Variants in CADPS observed in about 807,000 individuals in gnomAD.
CADPS encodes the protein calcium-dependent secretion activator 1.
Under a neutral mutation model 167.3 loss-of-function variants are expected in CADPS, and 57 were observed. The observed-to-expected ratio is 0.34, with a 90% confidence interval of 0.28 to 0.42. The LOEUF (loss-of-function observed/expected upper bound fraction) is 0.42. Ranked by LOEUF, CADPS falls within the 20% of genes least tolerant of loss-of-function variation. The pLI is 1.00. For synonymous variants in CADPS, 676 were observed against 635.3 expected, an observed-to-expected ratio of 1.06 and a Z score of -0.96; for missense variants, 1,414 against 1,738.1, an observed-to-expected ratio of 0.81 and a Z score of 3.32.
At chr3:62,581,145 G>A (rs1178878087) in intron 8 of CADPS, among the ~76,000 whole-genome samples, 1 of 152,092 alleles carries the variant, frequency 6.6e-6, no homozygotes, top group South Asian at 2.1e-4. Flanking sequence ...AGTTGTTATA[G>A]TTAGTAAAAA....
At chr3:62,872,218 A>G (rs764353987) in intron 1 of CADPS, among the ~76,000 whole-genome samples, 3 of 152,184 alleles carry the variant, frequency 2.0e-5, no homozygotes, top group Non-Finnish European at 4.4e-5. Context: ...TAGCTCATCA[A>G]CTATTTGTTG....
At chr3:62,704,574 C>A (rs2081999109) in intron 3 of CADPS, among the ~76,000 whole-genome samples, 1 of 152,142 alleles carries the variant, frequency 6.6e-6, no homozygotes, top group Non-Finnish European at 1.5e-5. Context: ...GGCTTCCTTT[C>A]TTCTGCCCAC....
In CADPS at chr3:62,875,076, CA is replaced by C. The variant is rs1255529741; in HGVS notation, c.-48del. ...TCTCTGGAGCCCCCGGCTTGGAGTG[CA>C]AAAGGTGGGGGGCGCTGGAGGCAGC... On this transcript the variant is annotated 5_prime_UTR_variant, in exon 1 of 30. Transcript: ENST00000383710. 1.3e-6 allele frequency: 2 copies of C among 1,536,610 alleles called. No individual in the cohort carries two copies. The highest frequency in any genetic ancestry group is 8.8e-7 in the Non-Finnish European group (1 of 1,138,272).
At chr3:62,873,685 GA>G (rs954335206) in intron 1 of CADPS, among the ~76,000 whole-genome samples, 1 of 147,086 alleles carries the variant, frequency 6.8e-6, no homozygotes, top group Non-Finnish European at 1.5e-5. Flanking sequence ...GCCTCAGACA[GA>G]AAAAGCTTTT....
chr3:62,486,768 T>C (rs117868881), intron 21 of CADPS, among the ~76,000 whole-genome samples: 2 of 152,308 alleles, frequency 1.3e-5, no homozygotes, highest in East Asian at 3.9e-4. Context: ...TCTGGTGGTG[T>C]TACAGTGCTG....
chr3:62,771,893 C>T (rs979295235), intron 1 of CADPS, among the ~76,000 whole-genome samples: 21 of 152,142 alleles, frequency 1.4e-4, no homozygotes, highest in African/African-American at 4.1e-4. Context: ...GAGGAGAAAA[C>T]GGCATGTTCT....
chr3:62,694,207 CAAT>C (rs937138606), intron 3 of CADPS, among the ~76,000 whole-genome samples: 10 of 152,042 alleles, frequency 6.6e-5, no homozygotes, highest in Admixed American at 6.6e-4. Context: ...ATTAAGATAA[CAAT>C]AACCTGGTGA....
chr3:62,442,182 G>T (rs1202146644), intron 27 of CADPS, among the ~76,000 whole-genome samples: 95 of 150,324 alleles, frequency 6.3e-4, no homozygotes, highest in Non-Finnish European at 1.2e-3. Flanking sequence ...TGACTTAATA[G>T]GTAATAGTTA....
chr3:62,750,353 CAA>C (rs56069272), intron 3 of CADPS, among the ~76,000 whole-genome samples: 22 of 44,898 alleles, frequency 4.9e-4, no homozygotes, highest in African/African-American at 1.1e-3. Context: ...TCTTAAGCTC[CAA>C]AAAAAAAAAA....
At chr3:62,422,135 C>A (rs973995985) in intron 28 of CADPS, among the ~76,000 whole-genome samples, 2 of 152,126 alleles carry the variant, frequency 1.3e-5, no homozygotes, top group Admixed American at 1.3e-4. Context: ...TCTGTGTAAG[C>A]CAAGTGGGGA....
intron 6 of CADPS, among the ~76,000 whole-genome samples, chr3:62,628,472 G>A (rs553425616): frequency 6.6e-6 from 1 of 152,148 alleles, no homozygotes; most frequent in South Asian, 2.1e-4. Flanking sequence ...GACTTCCCAG[G>A]TGGGGTGACA....
intron 26 of CADPS, among the ~76,000 whole-genome samples, chr3:62,461,978 GA>G (rs1405290033): frequency 6.6e-6 from 1 of 152,210 alleles, no homozygotes; most frequent in Non-Finnish European, 1.5e-5. Context: ...ATGAATTCCA[GA>G]ACCAGCATAT....
intron 6 of CADPS, among the ~76,000 whole-genome samples, chr3:62,640,230 A>G (rs1055199664): frequency 1.3e-5 from 2 of 152,182 alleles, no homozygotes; most frequent in Admixed American, 6.6e-5. Context: ...GATGTAAACC[A>G]TTCCAAGGCC....
intron 18 of CADPS, among the ~76,000 whole-genome samples, chr3:62,494,669 ATTTTTT>A (rs56153630): frequency 1.3e-4 from 16 of 118,618 alleles, no homozygotes; most frequent in African/African-American, 4.1e-4. Context: ...CTTACCAGCA[ATTTTTT>A]TTTTTTTTTT....
At chr3:62,700,114 T>C (rs994541223) in intron 3 of CADPS, among the ~76,000 whole-genome samples, 2 of 152,138 alleles carry the variant, frequency 1.3e-5, no homozygotes, top group East Asian at 1.9e-4. Context: ...AATTAAATAA[T>C]ATAAACCACC....
At chr3:62,588,384 G>GT (rs1009194124) in intron 7 of CADPS, among the ~76,000 whole-genome samples, 2 of 151,020 alleles carry the variant, frequency 1.3e-5, no homozygotes, top group Admixed American at 6.6e-5. Flanking sequence ...GCTTTGTGAG[G>GT]TTAAGGGTTT....
chr3:62,441,610 AGT>A (rs2056323329), intron 27 of CADPS, among the ~76,000 whole-genome samples: 1 of 152,238 alleles, frequency 6.6e-6, no homozygotes, highest in Admixed American at 6.5e-5. Flanking sequence ...ACTAACTGCT[AGT>A]GCCCACATGG....
At chr3:62,568,107 C>T (rs1015931626) in intron 9 of CADPS, among the ~76,000 whole-genome samples, 1 of 152,158 alleles carries the variant, frequency 6.6e-6, no homozygotes, top group African/African-American at 2.4e-5. Context: ...TGAAATTTGA[C>T]CCTCAAGGAG....
chr3:62,728,660 A>G (rs2077187827), intron 3 of CADPS, among the ~76,000 whole-genome samples: 1 of 151,982 alleles, frequency 6.6e-6, no homozygotes, highest in African/African-American at 2.4e-5. Context: ...TGACTGAGTT[A>G]TCTCATTCTG....
Sources: allele counts gnomAD v4.1 joint callset (sites outside exome capture counted in the v4.1 genomes callset), GRCh38; gene constraint gnomAD v4.1.1; transcripts MANE v1.5; gene names NCBI Gene and HGNC (gene_info 2026-07-23, HGNC 2026-07-21).